The following SLC7A7 variants were observed in gnomAD, a reference collection of about 807,000 sequenced individuals.
SLC7A7 encodes the protein Y+L amino acid transporter 1.
A neutral mutation model predicts 47.9 loss-of-function variants in SLC7A7; 39 were observed. The observed-to-expected ratio is 0.81, with a 90% CI of 0.63 to 1.06. The LOEUF is 1.06. Among genes scored for constraint, SLC7A7 ranks in the 50% least tolerant of loss-of-function variants. The pLI is 0.00. For synonymous variants in SLC7A7, 234 were observed against 242.8 expected (o/e 0.96, Z 0.34); for missense variants, 588 against 632.0 (o/e 0.93, Z 0.75).
intron 2 of SLC7A7, among the ~76,000 whole-genome samples, chr14:22,800,772 C>G (rs892777770): frequency 1.3e-5 from 2 of 152,072 alleles, no homozygotes; most frequent in African/African-American, 2.4e-5. Flanking sequence ...AACCCCGTCT[C>G]TACTAAAAAT....
intron 3 of SLC7A7, among the ~76,000 whole-genome samples, chr14:22,779,494 G>A (rs551220125): frequency 1.7e-4 from 26 of 150,424 alleles, no homozygotes; most frequent in Admixed American, 2.6e-4. Flanking sequence ...TCGCTCTGTC[G>A]CCCAGGCTGG....
At chr14:22,804,565 A>C (rs2039169021) in intron 2 of SLC7A7, among the ~76,000 whole-genome samples, 1 of 152,216 alleles carries the variant, frequency 6.6e-6, no homozygotes, top group Non-Finnish European at 1.5e-5. Flanking sequence ...ACATGAACAA[A>C]CACTTCTCAA....
chr14:22,780,074 T>G (rs2038691529), intron 2 of SLC7A7, 23 bp from the exon 3 acceptor site: 6 of 1,613,444 alleles, frequency 3.7e-6, no homozygotes, highest in Non-Finnish European at 5.1e-6. Flanking sequence ...TAATACTGAT[T>G]GGTGACTTAC....
chr14:22,791,848 T>TAA (rs1555323411), intron 2 of SLC7A7, among the ~76,000 whole-genome samples: 1 of 137,974 alleles, frequency 7.2e-6, no homozygotes, highest in Non-Finnish European at 1.6e-5. Context: ...TTTTTTTTTT[T>TAA]AATTGAGATG....
chr14:22,776,427 G>A lies in SLC7A7; in HGVS notation c.771-109C>T, dbSNP rs111779384. 8.1e-4 allele frequency: 1,142 copies of A among 1,412,308 alleles called. 10 individuals carry two copies. The African/African-American group carries it at 0.014, about 17-fold the overall frequency. 87.5% of individuals were successfully genotyped at this position (1,412,308 alleles called of 1,614,324 possible). On this transcript the variant is annotated intron_variant, in intron 4 of 9. Coordinates refer to ENST00000674313, the MANE Select transcript of SLC7A7 (RefSeq NM_003982.4). The stretch of plus-strand genomic sequence containing the variant: ...ACCGGTCTTTCCAGGGATGGAGACT[G>A]TTGCTACATTTCCTCAATGCATTTG...
Position 22,815,232 on chromosome 14 carries a change from GAGA to G in SLC7A7, c.-43+85_-43+87del, listed in dbSNP as rs376079564. ...AGATGTTAGGGTGAGAGGCACTCGG[GAGA>G]AGAAGCGATTAGACACTGCACAGCA... is the stretch of plus-strand genomic sequence containing the variant. On this transcript the variant is annotated intron_variant, in intron 1 of 9. Transcript: ENST00000674313. 111 of 390,240 alleles carry G rather than the reference GAGA, an allele frequency of 2.8e-4. 1 individual carries two copies. The East Asian group carries it at 7.8e-3, about 27-fold the overall frequency. The allele number at this position is 390,240 out of a possible 1,614,324, so 24.2% of individuals were successfully genotyped here. A position where few individuals can be genotyped will look rare whatever the true frequency, so the allele number is the denominator to read the frequency against.
rs568194935 is a variant in SLC7A7 at position 22,811,954 on chromosome 14, C to T, written c.499+946G>A. 3.3e-5 allele frequency among the ~76,000 whole-genome samples: 5 copies of T among 151,526 alleles called. No individual in the cohort carries two copies. The South Asian group carries it at 1.0e-3, about 32-fold the overall frequency. ...TGTAAGACTGAGAAACTGAAACCAA[C>T]GTACATGGCCATTAACAGAGGACCA... On this transcript the variant is annotated intron_variant, in intron 2 of 9. Coordinates refer to ENST00000674313, the MANE Select transcript of SLC7A7 (RefSeq NM_003982.4).
At chr14:22,780,954 C>G (rs929027935) in intron 2 of SLC7A7, among the ~76,000 whole-genome samples, 5 of 152,114 alleles carry the variant, frequency 3.3e-5, no homozygotes, top group African/African-American at 1.2e-4. Context: ...AGAAGTTCAA[C>G]AAGGGAGGCT....
At position 22,804,833 on chromosome 14, in the gene SLC7A7, T is replaced by C. The variant is rs372587511; in HGVS notation, c.499+8067A>G. ...CATGGAGAAACCCCGTCTCTAACAA[T>C]ACAAAATTAGCCAAATACAAAATTA... On this transcript the variant is annotated intron_variant, in intron 2 of 9. Coordinates refer to ENST00000674313, the MANE Select transcript of SLC7A7 (RefSeq NM_003982.4). 1.7e-3 allele frequency among the ~76,000 whole-genome samples: 252 copies of C among 149,686 alleles called. 2 individuals carry two copies. Among genetic ancestry groups the C allele is most frequent in the African/African-American group, 5.2e-3 (213 of 40,644 alleles).
At chr14:22,819,675 G>C (rs889661859), upstream of SLC7A7, 2 of 152,508 alleles carry the variant, frequency 1.3e-5, no homozygotes, top group African/African-American at 4.8e-5. Context: ...GGGAGGAGGG[G>C]CTACCAGCTG....
At chr14:22,785,789 G>A (rs1367276616) in intron 2 of SLC7A7, among the ~76,000 whole-genome samples, 2 of 151,154 alleles carry the variant, frequency 1.3e-5, no homozygotes, top group East Asian at 1.9e-4. Context: ...TTGGGAAGCT[G>A]AGGCAGGCGG....
chr14:22,780,359 G>A (rs995878650), intron 2 of SLC7A7: 12 of 358,398 alleles, frequency 3.3e-5, no homozygotes, highest in Middle Eastern at 9.1e-4. Context: ...ACTGGGAACT[G>A]TACAGGATTA....
intron 2 of SLC7A7, among the ~76,000 whole-genome samples, chr14:22,795,107 G>C (rs1885591): frequency 7.2e-6 from 1 of 138,974 alleles, no homozygotes; most frequent in East Asian, 2.1e-4. Flanking sequence ...TTGAGACAGC[G>C]TCTCACTCTG....
At chr14:22,813,779 C>T (rs1358180706) in intron 1 of SLC7A7, among the ~76,000 whole-genome samples, 6 of 143,798 alleles carry the variant, frequency 4.2e-5, no homozygotes, top group African/African-American at 1.6e-4. Context: ...CCTGCCACCA[C>T]GCGTGGCTAA....
At chr14:22,804,012 G>A (rs918477826) in intron 2 of SLC7A7, among the ~76,000 whole-genome samples, 2 of 152,080 alleles carry the variant, frequency 1.3e-5, no homozygotes, top group African/African-American at 4.8e-5. Context: ...CTGATTACTA[G>A]ATTGGTTTCC....
intron 7 of SLC7A7, 41 bp downstream of exon 7, chr14:22,775,403 C>T (rs780419456): frequency 1.3e-6 from 2 of 1,512,754 alleles, no homozygotes; most frequent in South Asian, 2.2e-5. Context: ...TAAAGTTTCC[C>T]CCGCAATCTG....
intron 8 of SLC7A7, 48 bp downstream of exon 8, chr14:22,774,306 A>G: frequency 6.2e-7 from 1 of 1,613,366 alleles, no homozygotes. Context: ...TTGTAGCAAC[A>G]ACTCCAGCTG....
At chr14:22,774,313 G>C (rs367774890) in intron 8 of SLC7A7, 41 bp downstream of exon 8, 4 of 1,613,196 alleles carry the variant, frequency 2.5e-6, no homozygotes, top group Non-Finnish European at 3.4e-6. Flanking sequence ...AACAACTCCA[G>C]CTGTTTCAGG....
rs1033479778 is a variant in SLC7A7 at position 22,811,909 on chromosome 14, A to AC, written c.499+990_499+991insG. On this transcript the variant is annotated intron_variant, in intron 2 of 9. Coordinates refer to ENST00000674313, the MANE Select transcript of SLC7A7 (RefSeq NM_003982.4). ...GAAATACTCATGCAGCTGCAAAAAG[A>AC]TATTCACTGGAGCATTATCTGTAAG... Among the ~76,000 whole-genome samples the AC allele has an allele frequency of 1.4e-4, 22 of 152,118 alleles. No homozygotes were observed. In the Middle Eastern group the frequency reaches 0.01, roughly 71 times the overall value.
Sources: gnomAD v4.1 joint callset for allele counts (sites outside exome capture counted in the v4.1 genomes callset) on GRCh38, gnomAD v4.1.1 for gene constraint, MANE v1.5 for transcripts, NCBI Gene and HGNC (gene_info 2026-07-23, HGNC 2026-07-21) for gene names.